The following NAALADL2 variants were observed in gnomAD, a reference collection of about 807,000 sequenced individuals.
NAALADL2 encodes inactive N-acetylated-alpha-linked acidic dipeptidase-like protein 2.
Under a neutral mutation model 87.2 loss-of-function variants are expected in NAALADL2, and 76 were observed. That is an observed-to-expected ratio of 0.87 (90% CI 0.72 to 1.05). The LOEUF (loss-of-function observed/expected upper bound fraction) is 1.05. NAALADL2 is among the 50% of genes least tolerant of loss of function. NAALADL2 has a pLI of 0.00. For missense variants in NAALADL2, 1,089 were observed against 945.8 expected (o/e 1.15, Z -1.99); for synonymous variants, 354 against 331.0 (o/e 1.07, Z -0.75).
At chr3:175,209,420 T>G (rs1383795897) in intron 2 of NAALADL2, among the ~76,000 whole-genome samples, 1 of 152,080 alleles carries the variant, frequency 6.6e-6, no homozygotes, top group Non-Finnish European at 1.5e-5. Flanking sequence ...ATTTCAGTTT[T>G]AACAAACATT....
At chr3:174,553,449 G>A (rs923636310) in intron 2 of NAALADL2, among the ~76,000 whole-genome samples, 1 of 152,080 alleles carries the variant, frequency 6.6e-6, no homozygotes, top group Non-Finnish European at 1.5e-5. Flanking sequence ...ACTATAATGA[G>A]TTCTCAACAA....
At chr3:174,766,376 T>C (rs1713805583) in intron 3 of NAALADL2, among the ~76,000 whole-genome samples, 1 of 152,192 alleles carries the variant, frequency 6.6e-6, no homozygotes, top group South Asian at 2.1e-4. Flanking sequence ...TCTCACTGGA[T>C]CTTTGAGGGT....
chr3:174,996,876 G>A (rs1256828913), intron 1 of NAALADL2, among the ~76,000 whole-genome samples: 2 of 151,868 alleles, frequency 1.3e-5, no homozygotes, highest in Non-Finnish European at 2.9e-5. Context: ...TGATAAATGA[G>A]AACATACAAT....
intron 1 of NAALADL2, among the ~76,000 whole-genome samples, chr3:174,899,137 C>T (rs1560340031): frequency 6.6e-6 from 1 of 152,078 alleles, no homozygotes; most frequent in African/African-American, 2.4e-5. Flanking sequence ...ACTACAAAGA[C>T]ATTACATACA....
Position 175,402,492 on chromosome 3 carries a change from T to G in NAALADL2, c.1091-44737T>G, listed in dbSNP as rs1581741949. Among the ~76,000 whole-genome samples the G allele has an allele frequency of 3.9e-5, 6 of 152,080 alleles. No homozygotes were observed. The South Asian group carries it at 1.2e-3, about 31-fold the overall frequency. On this transcript the variant is annotated intron_variant, in intron 5 of 13. Transcript: ENST00000454872. The stretch of plus-strand genomic sequence containing the variant: ...GCTTACTATAATACACAAATATAAG[T>G]TAGTGAACAGAATCCTTTTTATCTG...
chr3:174,457,975 C>T lies in NAALADL2; in HGVS notation c.-184+16943C>T, dbSNP rs144199077. 2.3e-3 allele frequency among the ~76,000 whole-genome samples: 354 copies of T among 152,046 alleles called. 1 individual carries two copies. Among genetic ancestry groups the T allele is most frequent in the Non-Finnish European group, 3.6e-3 (247 of 67,980 alleles). On this transcript the variant is annotated intron_variant, in intron 1 of 3. Coordinates refer to the NAALADL2 transcript ENST00000434257. ...GACACATAGAGGTGAATGACAGACA[C>T]GTGGGCCTATTGGAGGGTAGAAGGT...
chr3:174,627,462 G>T (rs1721686503), intron 2 of NAALADL2, among the ~76,000 whole-genome samples: 1 of 152,172 alleles, frequency 6.6e-6, no homozygotes, highest in Non-Finnish European at 1.5e-5. Context: ...CAGAGACAAA[G>T]GAACACGTAT....
intron 11 of NAALADL2, among the ~76,000 whole-genome samples, chr3:175,699,334 T>C (rs933361826): frequency 2.0e-5 from 3 of 152,012 alleles, no homozygotes; most frequent in African/African-American, 7.2e-5. Context: ...ATTATCCATA[T>C]AGATGACAGG....
At chr3:175,060,954 G>A (rs577523821) in intron 1 of NAALADL2, among the ~76,000 whole-genome samples, 2 of 152,290 alleles carry the variant, frequency 1.3e-5, no homozygotes, top group Admixed American at 6.5e-5. Context: ...GCTGAGGCAG[G>A]AGAATGGCTT....
intron 3 of NAALADL2, among the ~76,000 whole-genome samples, chr3:175,238,609 A>G (rs1461078873): frequency 7.2e-5 from 11 of 152,204 alleles, no homozygotes; most frequent in Non-Finnish European, 1.6e-4. Flanking sequence ...TTATATCAGT[A>G]TTATAATTTT....
chr3:175,587,391 T>G (rs1411120901), intron 10 of NAALADL2, among the ~76,000 whole-genome samples: 1 of 152,170 alleles, frequency 6.6e-6, no homozygotes, highest in East Asian at 1.9e-4. Flanking sequence ...ATTCTGAAAT[T>G]TAGTCTATTT....
intron 2 of NAALADL2, among the ~76,000 whole-genome samples, chr3:174,643,705 GA>G (rs1267112747): frequency 1.3e-5 from 2 of 152,028 alleles, no homozygotes; most frequent in Admixed American, 6.6e-5. Context: ...ATTGCTTTTG[GA>G]AATACCATTT....
chr3:175,653,719 A>G (rs563555545), intron 11 of NAALADL2, among the ~76,000 whole-genome samples: 12 of 152,276 alleles, frequency 7.9e-5, no homozygotes, highest in Non-Finnish European at 1.8e-4. Context: ...TTTTTCTATA[A>G]CAACAGTGGC....
intron 3 of NAALADL2, among the ~76,000 whole-genome samples, chr3:174,753,862 TG>T (rs1430574535): frequency 1.3e-5 from 2 of 152,190 alleles, no homozygotes; most frequent in African/African-American, 2.4e-5. Context: ...GTCATGAGGG[TG>T]GGGCCCTCAT....
intron 9 of NAALADL2, among the ~76,000 whole-genome samples, chr3:175,553,701 G>A (rs1261975444): frequency 6.7e-6 from 1 of 150,320 alleles, no homozygotes; most frequent in African/African-American, 2.4e-5. Context: ...TGGTACCTGA[G>A]TATTATAGCC....
chr3:174,710,500 C>G (rs931509317), intron 2 of NAALADL2, among the ~76,000 whole-genome samples: 1 of 152,072 alleles, frequency 6.6e-6, no homozygotes, highest in Non-Finnish European at 1.5e-5. Context: ...GTGGTCTGCC[C>G]GCCTTGGCCT....
chr3:175,501,221 A>G (rs1474851414), intron 9 of NAALADL2, among the ~76,000 whole-genome samples: 1 of 152,172 alleles, frequency 6.6e-6, no homozygotes, highest in Non-Finnish European at 1.5e-5. Context: ...TTAAACAAAA[A>G]TGAAAATTTA....
intron 8 of NAALADL2, among the ~76,000 whole-genome samples, chr3:175,470,806 T>C (rs1724750315): frequency 6.6e-6 from 1 of 152,160 alleles, no homozygotes; most frequent in African/African-American, 2.4e-5. Context: ...TTGGTGTAGC[T>C]TGTGTGCATG....
intron 9 of NAALADL2, among the ~76,000 whole-genome samples, chr3:175,488,412 C>T (rs1217574172): frequency 6.6e-6 from 1 of 152,218 alleles, no homozygotes; most frequent in Non-Finnish European, 1.5e-5. Flanking sequence ...GAAATAATTT[C>T]TATGCCAGCT....
Sources: gnomAD v4.1 joint callset for allele counts (sites outside exome capture counted in the v4.1 genomes callset) on GRCh38, gnomAD v4.1.1 for gene constraint, MANE v1.5 for transcripts, NCBI Gene and HGNC (gene_info 2026-07-23, HGNC 2026-07-21) for gene names.